The following KBTBD8 variants were observed in gnomAD, a reference collection of about 807,000 sequenced individuals.
KBTBD8 encodes kelch repeat and BTB domain-containing protein 8.
Under a neutral mutation model 53.5 loss-of-function variants are expected in KBTBD8, and 31 were observed. The observed-to-expected ratio is 0.58, with a 90% CI of 0.44 to 0.78. The LOEUF (loss-of-function observed/expected upper bound fraction) is 0.78. Among genes scored for constraint, KBTBD8 ranks in the 30% least tolerant of loss-of-function variants. KBTBD8 has a pLI of 0.00. For synonymous variants in KBTBD8, 250 were observed against 247.3 expected (o/e 1.01, Z -0.10); for missense variants, 642 against 735.8 (o/e 0.87, Z 1.48).
At position 67,008,086 on chromosome 3, in the gene KBTBD8, G is replaced by A. The variant is rs773403096; in HGVS notation, c.1507G>A (p.Asp503Asn). The A allele has an allele frequency of 1.2e-6, 2 of 1,614,028 alleles. No individual in the cohort carries two copies. Among genetic ancestry groups the A allele is most frequent in the Non-Finnish European group, 1.7e-6 (2 of 1,180,016 alleles). ...ACGTATGTTTACTGTAGAAGCCTAT[G>A]ATATTGAGCTAAATAAATGGACTCG... ...HQRMFTVEAY[D>N]IELNKWTRKK... The change falls in exon 4 of 4, where the codon GAT becomes AAT. Residue 503 changes from aspartate (D) to asparagine (N), a missense_variant. By Grantham distance (23) the Asp-to-Asn change is conservative. Coordinates refer to ENST00000417314, the MANE Select transcript of KBTBD8 (RefSeq NM_032505.3).
Position 67,003,510 on chromosome 3 carries a change from T to G in KBTBD8, c.543T>G (p.Cys181Trp), listed in dbSNP as rs1384187965. 1 of 1,614,048 alleles carries G rather than the reference T, an allele frequency of 6.2e-7. No homozygotes were observed. The highest frequency in any genetic ancestry group is 8.5e-7 in the Non-Finnish European group (1 of 1,179,914). ...AATACATTCGTAAAAAGTTTCTGTG[T>G]GTCACCAAAGAACAAGAGTTTCTCC... ...SKEYIRKKFL[C>W]VTKEQEFLQL... Residue 181 changes from cysteine (C) to tryptophan (W), a missense_variant, in exon 3 of 4, where the codon TGT becomes TGG. Physicochemically the swap from Cys to Trp is radical, Grantham distance 215. Transcript: ENST00000417314.
At chr3:66,998,803 C>G in intron 1 of KBTBD8, 178 bp from the exon 2 acceptor site, 4 of 616,498 alleles carry the variant, frequency 6.5e-6, no homozygotes, top group South Asian at 5.9e-5. Context: ...TCGCGCTCCG[C>G]CCTCTGTCTC....
intron 3 of KBTBD8, 126 bp downstream of exon 3, chr3:67,004,435 T>G: frequency 2.3e-6 from 2 of 872,838 alleles, no homozygotes; most frequent in Admixed American, 4.4e-5. Context: ...TATCAAACTA[T>G]TGGAACAGTC....
Position 66,998,897 on chromosome 3 carries a change from CA to C in KBTBD8, c.17-82del, listed in dbSNP as rs1028066383. 1.5e-5 allele frequency: 16 copies of C among 1,032,486 alleles called. No homozygotes were observed. In the African/African-American group the frequency reaches 2.2e-4, roughly 14 times the overall value. 64.0% of individuals were successfully genotyped at this position (1,032,486 alleles called of 1,614,324 possible). On this transcript the variant is annotated intron_variant, in intron 1 of 3. Coordinates refer to ENST00000417314, the MANE Select transcript of KBTBD8 (RefSeq NM_032505.3). ...TATCTTGTAGGGGGAAAAAGCCTAG[CA>C]AGCAGACACACAAACAGAAAAATCC... is the stretch of plus-strand genomic sequence containing the variant.
chr3:67,000,906 T>A (rs963006952), intron 2 of KBTBD8, among the ~76,000 whole-genome samples: 1 of 151,888 alleles, frequency 6.6e-6, no homozygotes, highest in Non-Finnish European at 1.5e-5. Flanking sequence ...AGTATACTTA[T>A]TAAGTATAAT....
In KBTBD8 at chr3:67,010,081, G is replaced by A; in HGVS notation, c.*1696G>A. 1 of 152,548 alleles carries A rather than the reference G, an allele frequency of 6.6e-6. No homozygotes were observed. Among genetic ancestry groups the A allele is most frequent in the Non-Finnish European group, 1.5e-5 (1 of 68,000 alleles). The allele number at this position is 152,548 out of a possible 1,614,324, so 9.4% of individuals were successfully genotyped here. A position where few individuals can be genotyped will look rare whatever the true frequency, so the allele number is the denominator to read the frequency against. ...TTAAAATCTAGTCTTAGCTAGATAT[G>A]TGGTTTCTTCTTATTGGTGTTGATA... On this transcript the variant is annotated 3_prime_UTR_variant, in exon 4 of 4. Transcript: ENST00000417314.
rs550737117 is a variant in KBTBD8, at chr3:67,002,248, A to C, written c.228-947A>C. Among the ~76,000 whole-genome samples the C allele has an allele frequency of 3.9e-3, 589 of 152,264 alleles. 4 individuals carry two copies. The highest frequency in any genetic ancestry group is 0.01 in the Middle Eastern group (3 of 292). On this transcript the variant is annotated intron_variant, in intron 2 of 3. Transcript: ENST00000417314. ...AAAATGAAGTATTTCCTTTTAAGCA[A>C]ATGTTCTCAAAATTTCCAAGGGTAA...
chr3:66,999,290 A>G, intron 2 of KBTBD8, 99 bp downstream of exon 2: 1 of 927,264 alleles, frequency 1.1e-6, no homozygotes. Flanking sequence ...CGATAATGAA[A>G]TGAAACCAAT....
chr3:67,007,833 T>C, intron 3 of KBTBD8, 89 bp from the exon 4 acceptor site: 1 of 681,222 alleles, frequency 1.5e-6, no homozygotes, highest in Admixed American at 3.0e-5. Context: ...AATTATGCCC[T>C]TTAATCTTTA....
At chr3:67,007,090 C>T (rs1409175080) in intron 3 of KBTBD8, among the ~76,000 whole-genome samples, 2 of 152,152 alleles carry the variant, frequency 1.3e-5, no homozygotes, top group Non-Finnish European at 2.9e-5. Flanking sequence ...ATTATAGCAA[C>T]ATTCAGGTAA....
intron 3 of KBTBD8, among the ~76,000 whole-genome samples, chr3:67,006,392 G>C (rs974494294): frequency 5.3e-5 from 8 of 152,026 alleles, no homozygotes; most frequent in Non-Finnish European, 1.0e-4. Flanking sequence ...AAGCCCTAAG[G>C]GTTTCTTAAT....
rs766667457 is a variant in KBTBD8, at chr3:67,008,110, C to T, written c.1531C>T (p.Arg511Cys). The change falls in exon 4 of 4, where the codon CGT becomes TGT. Residue 511 changes from arginine to cysteine, a missense_variant. Coordinates refer to ENST00000417314, the MANE Select transcript of KBTBD8 (RefSeq NM_032505.3). ...TGATATTGAGCTAAATAAATGGACT[C>T]GTAAGAAAGACTTTCCATGTGATCA... ...AYDIELNKWT[R>C]KKDFPCDQSI... The T allele has an allele frequency of 1.5e-5, 24 of 1,613,834 alleles. No homozygotes were observed. Among genetic ancestry groups the T allele is most frequent in the South Asian group, 5.5e-5 (5 of 91,076 alleles).
Position 67,010,988 on chromosome 3 carries a change from TG to T in KBTBD8, c.*2605del, listed in dbSNP as rs1231853278. On this transcript the variant is annotated 3_prime_UTR_variant, in exon 4 of 4. Coordinates refer to ENST00000417314, the MANE Select transcript of KBTBD8 (RefSeq NM_032505.3). ...TGCTTAAGCATCAAGCTGATTTTAT[TG>T]GTCATGAGAACAAATGGATGTGATC... is the stretch of plus-strand genomic sequence containing the variant. 3 of 152,620 alleles carry T rather than the reference TG, an allele frequency of 2.0e-5. No individual in the cohort carries two copies. The highest frequency in any genetic ancestry group is 4.4e-5 in the Non-Finnish European group (3 of 68,014). 9.5% of individuals were successfully genotyped at this position (152,620 alleles called of 1,614,324 possible). A position where few individuals can be genotyped will look rare whatever the true frequency, so the allele number is the denominator to read the frequency against.
At chr3:67,002,832 C>T (rs1702029573) in intron 2 of KBTBD8, among the ~76,000 whole-genome samples, 1 of 152,032 alleles carries the variant, frequency 6.6e-6, no homozygotes, top group Non-Finnish European at 1.5e-5. Flanking sequence ...TGGCATGGCC[C>T]AATTTAAGAT....
chr3:66,998,418 A>G, intron 1 of KBTBD8, 47 bp downstream of exon 1: 1 of 546,232 alleles, frequency 1.8e-6, no homozygotes, highest in Non-Finnish European at 2.5e-6. Context: ...GTGAGGGGGA[A>G]GGTGGGCCGG....
Position 67,003,801 on chromosome 3 carries a change from G to A in KBTBD8, c.834G>A (p.Gln278=). ...KGPSNTNGCT[Q]RLGMTASEMI... ...CATCCAACACCAATGGCTGTACACA[G>A]AGGCTTGGAATGACTGCTTCTGAAA... Residue 278 remains glutamine, a synonymous_variant, in exon 3 of 4, where the codon CAG becomes CAA. Transcript: ENST00000417314. The A allele has an allele frequency of 6.2e-7, 1 of 1,614,222 alleles. No individual in the cohort carries two copies. The highest frequency in any genetic ancestry group is 8.5e-7 in the Non-Finnish European group (1 of 1,180,038).
In KBTBD8 at chr3:67,008,253, T is replaced by G; in HGVS notation, c.1674T>G (p.Leu558=). 1 of 1,614,004 alleles carries G rather than the reference T, an allele frequency of 6.2e-7. No homozygotes were observed. The highest frequency in any genetic ancestry group is 8.5e-7 in the Non-Finnish European group (1 of 1,179,998). The change falls in exon 4 of 4, where the codon CTT becomes CTG. Residue 558 remains leucine (L), a synonymous_variant. Transcript: ENST00000417314. ...HVFRTSRKNS[L]YQYDDIADQW... Reference sequence around the variant, plus strand: ...TCAGAACCAGCAGAAAAAATTCCCTTTACCAATATGATGACATTGCTGACC... The same window carrying G: ...TCAGAACCAGCAGAAAAAATTCCCTGTACCAATATGATGACATTGCTGACC...
Position 67,008,447 on chromosome 3 carries a change from A to C in KBTBD8, c.*62A>C. The C allele has an allele frequency of 8.6e-7, 1 of 1,156,864 alleles. No homozygotes were observed. Among genetic ancestry groups the C allele is most frequent in the Non-Finnish European group, 1.2e-6 (1 of 809,796 alleles). 71.7% of individuals were successfully genotyped at this position (1,156,864 alleles called of 1,614,324 possible). ...TTCTTAGGAAACTTGTCTTTGATAC[A>C]AAAGAGTGCTGACAGTATTTCAGAA... On this transcript the variant is annotated 3_prime_UTR_variant, in exon 4 of 4. Coordinates refer to ENST00000417314, the MANE Select transcript of KBTBD8 (RefSeq NM_032505.3).
At position 67,008,705 on chromosome 3, in the gene KBTBD8, T is replaced by G. The variant is rs956257507; in HGVS notation, c.*320T>G. ...ACAACTATGCACTCTTATAAGAGCA[T>G]TTAGGGTATTATTGGGTAAAGACGT... On this transcript the variant is annotated 3_prime_UTR_variant, in exon 4 of 4. Transcript: ENST00000417314. 5 of 252,290 alleles carry G rather than the reference T, an allele frequency of 2.0e-5. No homozygotes were observed. The highest frequency in any genetic ancestry group is 9.7e-5 in the Admixed American group (2 of 20,586). 15.6% of individuals were successfully genotyped at this position (252,290 alleles called of 1,614,324 possible).
Sources: gnomAD v4.1 joint callset for allele counts (sites outside exome capture counted in the v4.1 genomes callset) on GRCh38, gnomAD v4.1.1 for gene constraint, MANE v1.5 for transcripts, NCBI Gene and HGNC (gene_info 2026-07-23, HGNC 2026-07-21) for gene names.